The following ABTB3 variants were observed in gnomAD, a reference collection of about 807,000 sequenced individuals.
ABTB3 encodes the protein ankyrin repeat- and BTB/POZ domain-containing protein 3.
At chr12:107,325,869 G>A in the ABTB3 span, among the ~76,000 whole-genome samples, 6 of 152,274 alleles carry the variant, frequency 3.9e-5, 1 homozygote, top group Admixed American at 3.9e-4. Context: ...TATTTTAAGA[G>A]CTTTATGTAT....
the ABTB3 span, among the ~76,000 whole-genome samples, chr12:107,482,786 C>T: frequency 6.6e-6 from 1 of 151,304 alleles, no homozygotes; most frequent in Non-Finnish European, 1.5e-5. Context: ...CCCTTCCTTC[C>T]TTCCTTCCTT....
chr12:107,563,505 G>A, the ABTB3 span, among the ~76,000 whole-genome samples: 1 of 152,204 alleles, frequency 6.6e-6, no homozygotes, highest in African/African-American at 2.4e-5. Context: ...CTATGTGCAA[G>A]TCTAGAGGAT....
the ABTB3 span, among the ~76,000 whole-genome samples, chr12:107,453,292 ATGTT>A: frequency 6.6e-6 from 1 of 152,116 alleles, no homozygotes; most frequent in Non-Finnish European, 1.5e-5. Context: ...TATAGATTGA[ATGTT>A]TGTCTTCCCC....
the ABTB3 span, among the ~76,000 whole-genome samples, chr12:107,325,178 A>G: frequency 6.6e-6 from 1 of 152,222 alleles, no homozygotes; most frequent in East Asian, 1.9e-4. Context: ...CTTAATAAAC[A>G]TTAATTAACA....
chr12:107,624,195 G>GT, the ABTB3 span, among the ~76,000 whole-genome samples: 175 of 143,032 alleles, frequency 1.2e-3, 1 homozygote, highest in Middle Eastern at 3.6e-3. Context: ...GATCGGTGGG[G>GT]TTTTTTTTTT....
the ABTB3 span, among the ~76,000 whole-genome samples, chr12:107,602,444 A>G: frequency 3.9e-5 from 6 of 152,240 alleles, no homozygotes; most frequent in African/African-American, 1.2e-4. Flanking sequence ...AATGATTATC[A>G]TAGGAGATCT....
chr12:107,503,532 C>A, the ABTB3 span, among the ~76,000 whole-genome samples: 660 of 151,598 alleles, frequency 4.4e-3, 1 homozygote, highest in South Asian at 0.014. Flanking sequence ...TTTGGGGGGC[C>A]GAGGTGGGAG....
chr12:107,435,110 A>G, the ABTB3 span, among the ~76,000 whole-genome samples: 1 of 152,340 alleles, frequency 6.6e-6, no homozygotes, highest in South Asian at 2.1e-4. Context: ...TCAGTGCTAC[A>G]AAAACAAACC....
the ABTB3 span, among the ~76,000 whole-genome samples, chr12:107,428,085 G>T: frequency 6.6e-6 from 1 of 152,168 alleles, no homozygotes; most frequent in African/African-American, 2.4e-5. Flanking sequence ...CCAGATCCTT[G>T]CTCTTTGACT....
the ABTB3 span, among the ~76,000 whole-genome samples, chr12:107,425,623 T>C: frequency 4.6e-5 from 7 of 152,236 alleles, no homozygotes; most frequent in African/African-American, 1.7e-4. Context: ...AAGACTTTCA[T>C]GGACCTCCCG....
At chr12:107,431,803 T>C in the ABTB3 span, among the ~76,000 whole-genome samples, 1 of 152,158 alleles carries the variant, frequency 6.6e-6, no homozygotes, top group Non-Finnish European at 1.5e-5. Flanking sequence ...CAGATGCACC[T>C]GAATGTGTGT....
At chr12:107,426,469 C>T in the ABTB3 span, among the ~76,000 whole-genome samples, 3,202 of 152,198 alleles carry the variant, frequency 0.021, 122 homozygotes, top group African/African-American at 0.072. Context: ...GGGTCACGAT[C>T]GAGGGTGCTG....
the ABTB3 span, among the ~76,000 whole-genome samples, chr12:107,653,516 C>CAAA: frequency 2.5e-3 from 278 of 112,758 alleles, no homozygotes; most frequent in Non-Finnish European, 3.7e-3. Flanking sequence ...GACTCTGTCT[C>CAAA]AAAAAAAAAA....
the ABTB3 span, chr12:107,544,092 G>A: frequency 6.2e-7 from 1 of 1,614,052 alleles, no homozygotes; most frequent in Non-Finnish European, 8.5e-7. Context: ...AAATGGAATG[G>A]GAAAACCCCA....
the ABTB3 span, among the ~76,000 whole-genome samples, chr12:107,644,170 G>T: frequency 2.6e-5 from 4 of 152,190 alleles, no homozygotes; most frequent in African/African-American, 9.7e-5. Flanking sequence ...TTTGAACCCA[G>T]CCTTCCTGGT....
At chr12:107,322,715 A>ACTTTTGAAAAGGTACTACACTATTATC in the ABTB3 span, among the ~76,000 whole-genome samples, 1 of 151,694 alleles carries the variant, frequency 6.6e-6, no homozygotes, top group South Asian at 2.1e-4. Context: ...GATCCCCAGT[A>ACTTTTGAAAAGGTACTACACTATTATC]CCCATTATAT....
At chr12:107,436,389 G>A in the ABTB3 span, among the ~76,000 whole-genome samples, 3 of 152,206 alleles carry the variant, frequency 2.0e-5, no homozygotes, top group Non-Finnish European at 4.4e-5. Context: ...AGCTGGGCTT[G>A]GGGATATGCA....
chr12:107,578,402 T>TTTTTTTTTTTTTTC, the ABTB3 span, among the ~76,000 whole-genome samples: 1 of 137,998 alleles, frequency 7.2e-6, no homozygotes, highest in Non-Finnish European at 1.5e-5. Flanking sequence ...TTTTTTTTTT[T>TTTTTTTTTTTTTTC]TTTTTTTTTT....
the ABTB3 span, chr12:107,651,620 A>G: frequency 3.2e-5 from 41 of 1,281,010 alleles, 1 homozygote; most frequent in East Asian, 7.0e-4. Context: ...CCTTATTGTT[A>G]CCTCCTTTCC....
Sources: allele counts gnomAD v4.1 joint callset (sites outside exome capture counted in the v4.1 genomes callset), GRCh38; gene constraint gnomAD v4.1.1; transcripts MANE v1.5; gene names NCBI Gene and HGNC (gene_info 2026-07-23, HGNC 2026-07-21).